EPS8L2: variants seen among roughly 807,000 people sequenced by gnomAD.
EPS8L2 encodes EPS8 signaling adaptor L2.
Under a neutral mutation model 99.4 loss-of-function variants are expected in EPS8L2, and 81 were observed. That is an observed-to-expected ratio of 0.82 (90% CI 0.68 to 0.98). The LOEUF is 0.98. Ranked by LOEUF, EPS8L2 falls within the 50% of genes least tolerant of loss-of-function variation. The pLI is 0.00. For missense variants in EPS8L2, 1,155 were observed against 968.8 expected (o/e 1.19, Z -2.55); for synonymous variants, 509 against 407.3 (o/e 1.25, Z -3.01).
chr11:724,968 C>T lies in EPS8L2; in HGVS notation c.1560+139C>T. ...GGGCACAGCTGCTGGCCCCTTTCTC[C>T]AGGGTCCCCGCCCTTGGACTCTGAT... On this transcript the variant is annotated intron_variant, in intron 16 of 20. Coordinates refer to ENST00000318562, the MANE Select transcript of EPS8L2 (RefSeq NM_022772.4). The surrounding 1 kb of genome is among the most constrained non-coding windows in gnomAD (Gnocchi z 5.5). 5.9e-6 allele frequency: 4 copies of T among 672,566 alleles called. No homozygotes were observed. Among genetic ancestry groups the T allele is most frequent in the Middle Eastern group, 3.6e-4 (1 of 2,746 alleles). The allele number at this position is 672,566 out of a possible 1,614,324, so 41.7% of individuals were successfully genotyped here. A position where few individuals can be genotyped will look rare whatever the true frequency, so the allele number is the denominator to read the frequency against.
intron 1 of EPS8L2, 125 bp from the exon 2 acceptor site, chr11:709,205 G>GCCAA: frequency 2.2e-5 from 14 of 639,732 alleles, no homozygotes; most frequent in Non-Finnish European, 3.8e-5. Context: ...GGGATGTCGG[G>GCCAA]CAGGGGCTCT....
Position 721,083 on chromosome 11 carries a change from C to G in EPS8L2, c.577C>G (p.Arg193Gly). The G allele has an allele frequency of 4.7e-6, 7 of 1,498,374 alleles. No homozygotes were observed. The highest frequency in any genetic ancestry group is 6.2e-6 in the Non-Finnish European group (7 of 1,124,004). The allele number at this position is 1,498,374 out of a possible 1,614,324, so 92.8% of individuals were successfully genotyped here. The part of the protein sequence containing the change: ...QTLKGHQEKI[R>G]QRQSILPPPQ... ...CTCCAGGGGACACCAGGAGAAGATT[C>G]GGCAGCGGCAGTCCATCCTGCCTCC... Residue 193 changes from arginine (R) to glycine (G), a missense_variant, in exon 8 of 21, where the codon CGG becomes GGG. Transcript: ENST00000318562.
chr11:726,472 C>T lies in EPS8L2; in HGVS notation c.1922C>T (p.Ala641Val), dbSNP rs1862325904. 2.6e-6 allele frequency: 4 copies of T among 1,563,006 alleles called. No homozygotes were observed. In the Middle Eastern group the frequency reaches 5.0e-4, roughly 196 times the overall value. Residue 641 changes from alanine (A) to valine (V), a missense_variant, in exon 19 of 21, where the codon GCC (alanine) becomes GTC (valine). Ala to Val is a moderately conservative substitution (Grantham distance 64, BLOSUM62 0). Coordinates refer to ENST00000318562, the MANE Select transcript of EPS8L2 (RefSeq NM_022772.4). ...DEVRAWLEAK[A>V]FSPRIVENLG... The stretch of plus-strand genomic sequence containing the variant: ...GTCCGCGCCTGGCTGGAAGCCAAGG[C>T]CTTCAGCCCGCGGTGAGCGGGGGCG...
chr11:726,999 T>A lies in EPS8L2; in HGVS notation c.*18T>A. 6.3e-7 allele frequency: 1 copy of A among 1,593,766 alleles called. No homozygotes were observed. Among genetic ancestry groups the A allele is most frequent in the South Asian group, 1.1e-5 (1 of 90,230 alleles). On this transcript the variant is annotated 3_prime_UTR_variant, in exon 21 of 21. Transcript: ENST00000318562. ...ACAGCTAGGCCCAGCTGCCTTGGGC[T>A]GGGGCCTGCGGAGGGGAAGCCCACC...
intron 4 of EPS8L2, among the ~76,000 whole-genome samples, chr11:718,967 CTTTT>C (rs745422884): frequency 1.6e-5 from 2 of 125,258 alleles, no homozygotes; most frequent in Non-Finnish European, 1.7e-5. Flanking sequence ...TGCGCCCGAT[CTTTT>C]TTTTTTTTTT....
chr11:726,500 G>GGATGAGCTGGGGCGGGC lies in EPS8L2; in HGVS notation c.1934+29_1934+30insGGGCGATGAGCTGGGGC, dbSNP rs1466698476. 6.5e-7 allele frequency: 1 copy of GGATGAGCTGGGGCGGGC among 1,539,844 alleles called. No homozygotes were observed. Among genetic ancestry groups the GGATGAGCTGGGGCGGGC allele is most frequent in the African/African-American group, 1.4e-5 (1 of 72,414 alleles). On this transcript the variant is annotated intron_variant, in intron 19 of 20. Transcript: ENST00000318562. ...TCAGCCCGCGGTGAGCGGGGGCGGG[G>GGATGAGCTGGGGCGGGC]GATGAGCTGGGGCCCGGGCGAGGGG...
chr11:720,942 G>GT (rs1564975712), intron 7 of EPS8L2, 33 bp downstream of exon 7: 2 of 862,316 alleles, frequency 2.3e-6, no homozygotes, highest in Non-Finnish European at 3.2e-6. Context: ...GTCGCAGGGG[G>GT]CGGGGAGGGG....
intron 10 of EPS8L2, 100 bp from the exon 11 acceptor site, chr11:721,803 G>A: frequency 1.3e-6 from 2 of 1,513,120 alleles, no homozygotes; most frequent in Non-Finnish European, 1.8e-6. Context: ...CATGGAGGTG[G>A]AGGAAGGTCC....
chr11:723,250 G>A lies in EPS8L2; in HGVS notation c.1351G>A (p.Val451Met). ...ASAPIEEVSP[V>M]SRQSIRNSQK... ...CCCACCTTCCCCACAGGTGAGTCCA[G>A]TGAGCCGACAGTCCATAAGAAACTC... The change falls in exon 15 of 21, where the codon GTG becomes ATG. Residue 451 changes from valine to methionine, a missense_variant. Coordinates refer to ENST00000318562, the MANE Select transcript of EPS8L2 (RefSeq NM_022772.4). 1 of 1,601,748 alleles carries A rather than the reference G, an allele frequency of 6.2e-7. No individual in the cohort carries two copies. Among genetic ancestry groups the A allele is most frequent in the Non-Finnish European group, 8.5e-7 (1 of 1,175,442 alleles).
At position 722,077 on chromosome 11, in the gene EPS8L2, G is replaced by A. The variant is rs533723349; in HGVS notation, c.985-14G>A. The A allele has an allele frequency of 6.2e-7, 1 of 1,612,694 alleles. No homozygotes were observed. Among genetic ancestry groups the A allele is most frequent in the South Asian group, 1.1e-5 (1 of 91,046 alleles). On this transcript the variant is annotated splice_polypyrimidine_tract_variant and intron_variant, in intron 11 of 20. Transcript: ENST00000318562. ...GCCCCGCCCCGGCACCTGCTCACTT[G>A]TTCCCACCCCCAGGCAAAGCTGCAG...
intron 7 of EPS8L2, 59 bp from the exon 8 acceptor site, chr11:721,005 A>AGGGGAGGGGAGGAGACCGGCAGGGGAG: frequency 7.2e-7 from 1 of 1,397,718 alleles, no homozygotes; most frequent in Non-Finnish European, 9.5e-7. Flanking sequence ...GGAGCCCGGC[A>AGGGGAGGGGAGGAGACCGGCAGGGGAG]GGGAGGGAGG....
At position 724,518 on chromosome 11, in the gene EPS8L2, G is replaced by A. The variant is rs967507863; in HGVS notation, c.1455-206G>A. 3.3e-5 allele frequency: 19 copies of A among 582,026 alleles called. No individual in the cohort carries two copies. The highest frequency in any genetic ancestry group is 4.7e-4 in the Middle Eastern group (1 of 2,138). The allele number at this position is 582,026 out of a possible 1,614,324, so 36.1% of individuals were successfully genotyped here. ...GCCACGCCCACCTCCTGCCTGCCCC[G>A]CCTCCACGCAGGGCCCCAAAGCTCT... On this transcript the variant is annotated intron_variant, in intron 15 of 20. Transcript: ENST00000318562. This position sits in a 1 kb window ranked among gnomAD's most constrained non-coding sequence, Gnocchi z 5.5.
rs200933317 is a variant in EPS8L2, at chr11:726,514, C to G, written c.1934+30C>G. The G allele has an allele frequency of 3.8e-4, 582 of 1,527,496 alleles. 4 individuals are homozygous for G. The East Asian group carries it at 0.013, about 35-fold the overall frequency. 94.6% of individuals were successfully genotyped at this position (1,527,496 alleles called of 1,614,324 possible). A position where few individuals can be genotyped will look rare whatever the true frequency, so the allele number is the denominator to read the frequency against. ...GCGGGGGCGGGGGATGAGCTGGGGC[C>G]CGGGCGAGGGGTGGGAGGTGCGGCC... On this transcript the variant is annotated intron_variant, in intron 19 of 20. Transcript: ENST00000318562.
Position 725,842 on chromosome 11 carries a change from G to A in EPS8L2, c.1675G>A (p.Glu559Lys). ...ARPEDAGAPFEQAGQKYWGPA... is the reference protein window; with the variant it reads ...ARPEDAGAPFKQAGQKYWGPA... ...ACCGGAGGACGCCGGCGCCCCGTTC[G>A]AGCAGGTGAGCCCGCGGGGGTCCCT... The change falls in exon 17 of 21, where the codon GAG becomes AAG. Residue 559 changes from glutamate (E) to lysine (K), a missense_variant. Coordinates refer to ENST00000318562, the MANE Select transcript of EPS8L2 (RefSeq NM_022772.4). The A allele has an allele frequency of 7.2e-7, 1 of 1,383,832 alleles. No individual in the cohort carries two copies. The allele number at this position is 1,383,832 out of a possible 1,614,324, so 85.7% of individuals were successfully genotyped here. A position where few individuals can be genotyped will look rare whatever the true frequency, so the allele number is the denominator to read the frequency against.
At chr11:720,571 G>C (rs1458849571) in intron 5 of EPS8L2, 26 bp from the exon 6 acceptor site, 1 of 1,587,582 alleles carries the variant, frequency 6.3e-7, no homozygotes, top group Admixed American at 1.8e-5. Flanking sequence ...CCGGGTGCGA[G>C]TCGTGTCCGC....
Position 720,958 on chromosome 11 carries a change from C to CCCGGCAGGGAGGGAGGGGAGGAG in EPS8L2, c.557+58_557+59insAGGGAGGGGAGGAGCCGGCAGGG, listed in dbSNP as rs1862144386. 8.8e-6 allele frequency: 9 copies of CCCGGCAGGGAGGGAGGGGAGGAG among 1,017,070 alleles called. No individual in the cohort carries two copies. The African/African-American group carries it at 2.2e-4, about 25-fold the overall frequency. The allele number at this position is 1,017,070 out of a possible 1,614,324, so 63.0% of individuals were successfully genotyped here. ...TCGCAGGGGGCGGGGAGGGGAGGAG[C>CCCGGCAGGGAGGGAGGGGAGGAG]CCGGCAGGGGAGGGGAGGAGCCGGC... On this transcript the variant is annotated intron_variant, in intron 7 of 20. Coordinates refer to ENST00000318562, the MANE Select transcript of EPS8L2 (RefSeq NM_022772.4).
At chr11:720,521 G>A in intron 5 of EPS8L2, 76 bp from the exon 6 acceptor site, 1 of 1,548,596 alleles carries the variant, frequency 6.5e-7, no homozygotes. Context: ...CTCCAGGCTT[G>A]TCCACAGCTC....
At chr11:719,930 G>A (rs547534668) in intron 4 of EPS8L2, 132 bp from the exon 5 acceptor site, 4 of 777,152 alleles carry the variant, frequency 5.1e-6, no homozygotes, top group East Asian at 2.7e-5. Flanking sequence ...CCAAAGGCGG[G>A]GCCGGTCCCC....
At chr11:714,523 G>A (rs1463236832) in intron 4 of EPS8L2, among the ~76,000 whole-genome samples, 16 of 151,806 alleles carry the variant, frequency 1.1e-4, no homozygotes, top group Middle Eastern at 6.8e-3. Context: ...GAGCCGCCGC[G>A]CTGGGCCAGT....
Sources: allele counts gnomAD v4.1 joint callset (sites outside exome capture counted in the v4.1 genomes callset), GRCh38; gene constraint gnomAD v4.1.1; non-coding constraint Gnocchi (gnomAD v3.1); transcripts MANE v1.5; gene names NCBI Gene and HGNC (gene_info 2026-07-23, HGNC 2026-07-21).